The following CWC27 variants were observed in gnomAD, a reference collection of about 807,000 sequenced individuals.
CWC27 encodes spliceosome-associated protein CWC27 homolog.
CWC27 carries 47 observed loss-of-function variants against 63.6 expected under a neutral mutation model. The observed-to-expected ratio is 0.74, with a 90% confidence interval of 0.58 to 0.94. The LOEUF is 0.94. Ranked by LOEUF, CWC27 falls within the 40% of genes least tolerant of loss-of-function variation. CWC27 has a pLI of 0.00. For synonymous variants in CWC27, 175 were observed against 179.8 expected (o/e 0.97, Z 0.22); for missense variants, 495 against 554.3 (o/e 0.89, Z 1.07).
At chr5:64,833,963 T>C (rs570047060) in intron 10 of CWC27, among the ~76,000 whole-genome samples, 1 of 151,616 alleles carries the variant, frequency 6.6e-6, no homozygotes, top group African/African-American at 2.4e-5. Flanking sequence ...CTGGATGAAA[T>C]TGTTCTGTTA....
Position 64,781,926 on chromosome 5 carries a change from T to C in CWC27, c.145T>C (p.Tyr49His). The change falls in exon 3 of 14, where the codon TAT (tyrosine) becomes CAT (histidine). Residue 49 changes from tyrosine (Y) to histidine (H), a missense_variant. Transcript: ENST00000381070. ...NFIQLCLEAY[Y>H]DNTIFHRVVP... The stretch of plus-strand genomic sequence containing the variant: ...TATTTTTATTTTTTTTTCAGCTTAT[T>C]ATGACAATACCATTTTTCATAGAGT... 1 of 1,543,838 alleles carries C rather than the reference T, an allele frequency of 6.5e-7. No individual in the cohort carries two copies. The highest frequency in any genetic ancestry group is 8.9e-7 in the Non-Finnish European group (1 of 1,124,914).
intron 11 of CWC27, among the ~76,000 whole-genome samples, chr5:64,917,676 G>A (rs765327989): frequency 1.3e-5 from 2 of 152,182 alleles, no homozygotes; most frequent in Non-Finnish European, 2.9e-5. Context: ...CAAATAAGGA[G>A]GAACTCCATC....
intron 7 of CWC27, among the ~76,000 whole-genome samples, chr5:64,791,010 C>T (rs1744059905): frequency 6.6e-6 from 1 of 151,986 alleles, no homozygotes; most frequent in Admixed American, 6.6e-5. Context: ...CTCCTTCAAG[C>T]CCAAGACGTC....
In CWC27 at chr5:64,972,102, G is replaced by A. The variant is rs149553738; in HGVS notation, c.1152+290G>A. Among the ~76,000 whole-genome samples, 254 of 152,108 alleles carry A rather than the reference G, an allele frequency of 1.7e-3. 1 individual carries two copies. Among genetic ancestry groups the A allele is most frequent in the African/African-American group, 5.9e-3 (244 of 41,500 alleles). ...GCCATGTATCCTCAGAAACCCAGGT[G>A]GAACCTCTGTGTAGTGAATATTATG... On this transcript the variant is annotated intron_variant, in intron 12 of 13. Transcript: ENST00000381070.
At position 64,953,689 on chromosome 5, in the gene CWC27, T is replaced by C. The variant is rs541333421; in HGVS notation, c.1043-18014T>C. Among the ~76,000 whole-genome samples, 288 of 152,244 alleles carry C rather than the reference T, an allele frequency of 1.9e-3. 1 individual carries two copies. Among genetic ancestry groups the C allele is most frequent in the Admixed American group, 5.1e-3 (78 of 15,282 alleles). On this transcript the variant is annotated intron_variant, in intron 11 of 13. Transcript: ENST00000381070. ...TTTCAAAACAAAGGCACTTTTTAAG[T>C]GTTTATTTTTTTTCTTTCCCCCAGC...
chr5:64,957,007 T>A (rs192302503), intron 11 of CWC27, among the ~76,000 whole-genome samples: 2 of 152,326 alleles, frequency 1.3e-5, no homozygotes, highest in East Asian at 3.9e-4. Context: ...TAGAAGCTAC[T>A]TTATTGCTTC....
chr5:65,016,500 T>C (rs1394254800), intron 13 of CWC27, among the ~76,000 whole-genome samples: 2 of 152,066 alleles, frequency 1.3e-5, no homozygotes, highest in South Asian at 2.1e-4. Context: ...TAATGAAGTA[T>C]AAAAATGTGA....
chr5:64,926,420 A>G lies in CWC27; in HGVS notation c.1042+40874A>G, dbSNP rs1378391681. Among the ~76,000 whole-genome samples the G allele has an allele frequency of 5.9e-5, 9 of 151,308 alleles. No individual in the cohort carries two copies. In the East Asian group the frequency reaches 9.7e-4, roughly 16 times the overall value. ...GATTTCAGTCATATCAGTAAGACCT[A>G]TTTTGCCCAGGCTTGCTTGCTGTAC... is the stretch of plus-strand genomic sequence containing the variant. On this transcript the variant is annotated intron_variant, in intron 11 of 13. Coordinates refer to ENST00000381070, the MANE Select transcript of CWC27 (RefSeq NM_005869.4).
At chr5:64,814,545 A>C (rs1252780821) in intron 10 of CWC27, among the ~76,000 whole-genome samples, 1 of 152,130 alleles carries the variant, frequency 6.6e-6, no homozygotes, top group Non-Finnish European at 1.5e-5. Flanking sequence ...TTGTTTTATG[A>C]TCCTTCTTTT....
chr5:64,967,102 G>T (rs1254733336), intron 11 of CWC27, among the ~76,000 whole-genome samples: 1 of 151,620 alleles, frequency 6.6e-6, no homozygotes, highest in Non-Finnish European at 1.5e-5. Flanking sequence ...TCATGTTATT[G>T]CTTCTAGTAT....
chr5:64,860,846 A>T (rs1173276979), intron 10 of CWC27, among the ~76,000 whole-genome samples: 1 of 152,218 alleles, frequency 6.6e-6, no homozygotes, highest in East Asian at 1.9e-4. Context: ...TGTTATCATC[A>T]TACAAATAAC....
chr5:64,804,114 T>TAAAAA, intron 9 of CWC27, 115 bp from the exon 10 acceptor site: 1 of 790,642 alleles, frequency 1.3e-6, no homozygotes, highest in Non-Finnish European at 1.8e-6. Flanking sequence ...GAAAACAAAA[T>TAAAAA]AAAAAAAAAA....
At chr5:65,007,413 C>T (rs992343292) in intron 13 of CWC27, among the ~76,000 whole-genome samples, 2 of 152,120 alleles carry the variant, frequency 1.3e-5, no homozygotes, top group African/African-American at 4.8e-5. Flanking sequence ...TATTGCTCTA[C>T]TTGGGTTGCT....
At chr5:64,803,409 T>A (rs1744552338) in intron 9 of CWC27, among the ~76,000 whole-genome samples, 1 of 152,038 alleles carries the variant, frequency 6.6e-6, no homozygotes, top group South Asian at 2.1e-4. Flanking sequence ...TCTCATGGAG[T>A]GTTTGCTGTA....
intron 11 of CWC27, among the ~76,000 whole-genome samples, chr5:64,963,507 C>T (rs958151202): frequency 9.9e-5 from 15 of 152,040 alleles, no homozygotes; most frequent in African/African-American, 2.4e-4. Flanking sequence ...GAAACATGAA[C>T]GTACTATGAC....
Position 64,789,312 on chromosome 5 carries a change from G to A in CWC27, c.669+292G>A, listed in dbSNP as rs983187983. ...ATCCTAACTGCTATTTTTTCAGGTA[G>A]TATGTTAGATGATAATGATTATTAT... On this transcript the variant is annotated intron_variant, in intron 7 of 13. Coordinates refer to ENST00000381070, the MANE Select transcript of CWC27 (RefSeq NM_005869.4). 2.0e-5 allele frequency among the ~76,000 whole-genome samples: 3 copies of A among 152,062 alleles called. No individual in the cohort carries two copies. In the South Asian group the frequency reaches 6.2e-4, roughly 32 times the overall value.
At chr5:64,888,625 C>T (rs950922647) in intron 11 of CWC27, among the ~76,000 whole-genome samples, 5 of 150,318 alleles carry the variant, frequency 3.3e-5, no homozygotes, top group Non-Finnish European at 7.4e-5. Flanking sequence ...ACAGCTCATA[C>T]TGAAGTAAGG....
At chr5:64,912,092 G>A (rs11359205) in intron 11 of CWC27, among the ~76,000 whole-genome samples, 18,593 of 120,632 alleles carry the variant, frequency 0.15, 1,412 homozygotes, top group South Asian at 0.27. Context: ...AAAAAAAAAA[G>A]AAAGAAAGAA....
At chr5:64,952,666 C>A (rs1369087220) in intron 11 of CWC27, among the ~76,000 whole-genome samples, 2 of 151,904 alleles carry the variant, frequency 1.3e-5, no homozygotes, top group African/African-American at 2.4e-5. Flanking sequence ...TCTTGGAATG[C>A]CTGAGAAATA....
Sources: allele counts gnomAD v4.1 joint callset (sites outside exome capture counted in the v4.1 genomes callset), GRCh38; gene constraint gnomAD v4.1.1; transcripts MANE v1.5; gene names NCBI Gene and HGNC (gene_info 2026-07-23, HGNC 2026-07-21).